Variants in MGAM2 observed in about 807,000 individuals in gnomAD.
MGAM2 encodes the protein probable maltase-glucoamylase 2.
Under a neutral mutation model 96.1 loss-of-function variants are expected in MGAM2, and 98 were observed. The ratio of observed to expected loss-of-function variants is 1.02; its 90% confidence interval spans 0.87 to 1.21. The LOEUF is 1.21. MGAM2 is among the 50% of genes most tolerant of loss of function. The pLI, the probability that MGAM2 is intolerant of heterozygous loss-of-function variation, is 0.00. For synonymous variants in MGAM2, 749 were observed against 414.8 expected, an observed-to-expected ratio of 1.81 and a Z score of -9.79; for missense variants, 2,055 against 1,182.4, an observed-to-expected ratio of 1.74 and a Z score of -10.82.
chr7:142,218,308 T>C (rs2129107662), intron 46 of MGAM2, 53 bp from the exon 47 acceptor site: 1 of 554,972 alleles, frequency 1.8e-6, no homozygotes, highest in African/African-American at 1.9e-5. Flanking sequence ...ATATGGACCA[T>C]AGTCTATCAA....
chr7:142,111,998 CTGTGTGTGTGTGTGTGTG>C (rs57967255), intron 1 of MGAM2, among the ~76,000 whole-genome samples, 191 bp downstream of exon 1: 2,503 of 133,686 alleles, frequency 0.019, 77 homozygotes, highest in African/African-American at 0.066. Context: ...AGAGGAGAGA[CTGTGTGTGTGTGTGTGTG>C]TGTGTGTGTG....
intron 1 of MGAM2, among the ~76,000 whole-genome samples, chr7:142,115,700 C>A (rs997394685): frequency 2.0e-5 from 3 of 152,092 alleles, no homozygotes; most frequent in African/African-American, 7.2e-5. Flanking sequence ...ACAAAATTAG[C>A]AGGGCATGGT....
intron 1 of MGAM2, among the ~76,000 whole-genome samples, chr7:142,115,030 A>G (rs547074726): frequency 7.9e-5 from 12 of 152,200 alleles, no homozygotes. Flanking sequence ...AGCCTGGCCA[A>G]CGTGGTGAAA....
In MGAM2 at chr7:142,166,704, T is replaced by C. The variant is rs144867592; in HGVS notation, c.2808+451T>C. On this transcript the variant is annotated intron_variant, in intron 25 of 47. Transcript: ENST00000477922. ...CTGCCTGGAGGCTCCTGTCTCCCTA[T>C]CAAACTTCCTGGTGCTCTGTCACGG... Among the ~76,000 whole-genome samples the C allele has an allele frequency of 4.6e-5, 7 of 152,314 alleles. No individual in the cohort carries two copies. In the East Asian group the frequency reaches 1.4e-3, roughly 29 times the overall value.
chr7:142,115,502 G>A (rs1817357363), intron 1 of MGAM2, among the ~76,000 whole-genome samples: 1 of 152,220 alleles, frequency 6.6e-6, no homozygotes, highest in Non-Finnish European at 1.5e-5. Context: ...AGATTAAAAG[G>A]AAATGGAAAG....
intron 3 of MGAM2, among the ~76,000 whole-genome samples, chr7:142,127,405 T>C (rs972017001): frequency 6.6e-6 from 1 of 152,182 alleles, no homozygotes; most frequent in Admixed American, 6.5e-5. Context: ...ATTTTTAAAG[T>C]TTTTTTCATA....
intron 44 of MGAM2, 30 bp from the exon 45 acceptor site, chr7:142,199,850 A>G (rs1457401680): frequency 7.6e-6 from 5 of 657,786 alleles, no homozygotes; most frequent in Middle Eastern, 4.8e-4. Flanking sequence ...CAATCTAGAG[A>G]AAAATAACTC....
intron 37 of MGAM2, among the ~76,000 whole-genome samples, chr7:142,192,112 CCA>C (rs1284964879): frequency 6.6e-6 from 1 of 152,064 alleles, no homozygotes; most frequent in Non-Finnish European, 1.5e-5. Flanking sequence ...CCTTCTGTCC[CCA>C]GAGTTTACAA....
rs977292903 is a variant in MGAM2 at position 142,187,735 on chromosome 7, G to C, written c.4123-15G>C. 3 of 700,606 alleles carry C rather than the reference G, an allele frequency of 4.3e-6. No individual in the cohort carries two copies. The Admixed American group carries it at 6.0e-5, about 14-fold the overall frequency. 43.4% of individuals were successfully genotyped at this position (700,606 alleles called of 1,614,324 possible). On this transcript the variant is annotated splice_polypyrimidine_tract_variant and intron_variant, in intron 35 of 47. Coordinates refer to ENST00000477922, the MANE Select transcript of MGAM2 (RefSeq NM_001293626.2). ...CCCTGACATGACGAGATCTTTTTTT[G>C]TTAACTCATTTCAGGATATGAATGA...
chr7:142,131,037 T>TG lies in MGAM2; in HGVS notation c.277dup (p.Glu93GlyfsTer29). ...GCTTCTTCCCCTGGAACTGGGGCTATGAAGCCAGCAATGGCCATACAAATA... is the reference window on the plus strand; with the variant it reads ...GCTTCTTCCCCTGGAACTGGGGCTATGGAAGCCAGCAATGGCCATACAAATA... On this transcript the variant is annotated frameshift_variant, in exon 4 of 48. Transcript: ENST00000477922. LOFTEE classifies it high-confidence loss of function. 1.4e-6 allele frequency: 1 copy of TG among 702,562 alleles called. No homozygotes were observed. The highest frequency in any genetic ancestry group is 2.6e-6 in the Non-Finnish European group (1 of 385,008). 43.5% of individuals were successfully genotyped at this position (702,562 alleles called of 1,614,324 possible).
In MGAM2 at chr7:142,221,115, A is replaced by T. The variant is rs1005780909; in HGVS notation, c.6604A>T (p.Thr2202Ser). 5.7e-6 allele frequency: 4 copies of T among 702,402 alleles called. No homozygotes were observed. In the African/African-American group the frequency reaches 7.0e-5, roughly 12 times the overall value. The allele number at this position is 702,402 out of a possible 1,614,324, so 43.5% of individuals were successfully genotyped here. ...DTTSNSFSIMTTSFSESTNAM... is the reference protein window; with the variant it reads ...DTTSNSFSIMSTSFSESTNAM... ...TACTAGCAACAGTTTTTCCATTATG[A>T]CCACTTCTTTCTCTGAAAGTACTAA... The change falls in exon 48 of 48, where the codon ACC becomes TCC. Residue 2202 changes from threonine (T) to serine (S), a missense_variant. Physicochemically the swap from Thr to Ser is moderately conservative, Grantham distance 58. Transcript: ENST00000477922.
chr7:142,218,407 C>G lies in MGAM2; in HGVS notation c.5234C>G (p.Ser1745Trp), dbSNP rs1163220949. The G allele has an allele frequency of 2.8e-6, 2 of 702,170 alleles. No homozygotes were observed. Among genetic ancestry groups the G allele is most frequent in the Admixed American group, 4.0e-5 (2 of 49,906 alleles). The allele number at this position is 702,170 out of a possible 1,614,324, so 43.5% of individuals were successfully genotyped here. A position where few individuals can be genotyped will look rare whatever the true frequency, so the allele number is the denominator to read the frequency against. Reference protein sequence around the residue: ...QTIHNKYLSDSNPLKVGYIRI... With the variant: ...QTIHNKYLSDWNPLKVGYIRI... Reference sequence around the variant, plus strand: ...ATACACAATAAGTATTTGAGTGACTCGAATCCACTAAAAGTTGGGTATATT... The same window carrying G: ...ATACACAATAAGTATTTGAGTGACTGGAATCCACTAAAAGTTGGGTATATT... Residue 1745 changes from serine (S) to tryptophan (W), a missense_variant, in exon 47 of 48, where the codon TCG (serine) becomes TGG (tryptophan). Physicochemically the swap from Ser to Trp is radical, Grantham distance 177. Coordinates refer to ENST00000477922, the MANE Select transcript of MGAM2 (RefSeq NM_001293626.2).
chr7:142,200,820 A>G (rs1797199902), intron 45 of MGAM2, among the ~76,000 whole-genome samples: 1 of 152,148 alleles, frequency 6.6e-6, no homozygotes, highest in Non-Finnish European at 1.5e-5. Flanking sequence ...AAATACAAGC[A>G]CTTTTAATAT....
In MGAM2 at chr7:142,196,559, T is replaced by A. The variant is rs1049691500; in HGVS notation, c.4481-6T>A. The A allele has an allele frequency of 1.4e-6, 1 of 718,158 alleles. No individual in the cohort carries two copies. Among genetic ancestry groups the A allele is most frequent in the Non-Finnish European group, 2.6e-6 (1 of 391,388 alleles). The allele number at this position is 718,158 out of a possible 1,614,324, so 44.5% of individuals were successfully genotyped here. A position where few individuals can be genotyped will look rare whatever the true frequency, so the allele number is the denominator to read the frequency against. Reference sequence around the variant, plus strand: ...CCTCCAACACAGCTGTGTCTTCTCTTTGCAGGCATGATGGAGTTCAGTCTC... The same window carrying A: ...CCTCCAACACAGCTGTGTCTTCTCTATGCAGGCATGATGGAGTTCAGTCTC... On this transcript the variant is annotated splice_polypyrimidine_tract_variant and splice_region_variant and intron_variant, in intron 38 of 47. Transcript: ENST00000477922.
intron 1 of MGAM2, among the ~76,000 whole-genome samples, chr7:142,112,153 C>CCAGAAGGATGGATTTGGAT (rs1817195102): frequency 1.3e-5 from 2 of 151,856 alleles, no homozygotes; most frequent in Non-Finnish European, 2.9e-5. Flanking sequence ...TGGAAACTAT[C>CCAGAAGGATGGATTTGGAT]TCAAGATGGC....
In MGAM2 at chr7:142,167,332, A is replaced by T. The variant is rs148832741; in HGVS notation, c.2873A>T (p.Asp958Val). The T allele has an allele frequency of 7.1e-6, 5 of 702,876 alleles. No individual in the cohort carries two copies. The Admixed American group carries it at 8.0e-5, about 11-fold the overall frequency. 43.5% of individuals were successfully genotyped at this position (702,876 alleles called of 1,614,324 possible). ...ACCATCCCTAATTATGTTGCTAGTG[A>T]TATTCAGTACCTGAACACCAGCATC... ...YDTIPNYVASDIQYLNTSITA... is the reference protein window; with the variant it reads ...YDTIPNYVASVIQYLNTSITA... Residue 958 changes from aspartate to valine, a missense_variant, in exon 26 of 48, where the codon GAT becomes GTT. By Grantham distance (152) the Asp-to-Val change is radical (BLOSUM62 -3). Coordinates refer to ENST00000477922, the MANE Select transcript of MGAM2 (RefSeq NM_001293626.2).
intron 15 of MGAM2, among the ~76,000 whole-genome samples, chr7:142,151,123 T>C (rs1187206511): frequency 6.6e-6 from 1 of 152,200 alleles, no homozygotes; most frequent in Admixed American, 6.6e-5. Flanking sequence ...TGCTGGACTG[T>C]AAGCTTTTTG....
chr7:142,163,569 C>T (rs932296661), intron 23 of MGAM2, among the ~76,000 whole-genome samples: 87 of 152,310 alleles, frequency 5.7e-4, no homozygotes, highest in African/African-American at 1.9e-3. Context: ...CGTGAGCCAC[C>T]GTGCCTGGCC....
chr7:142,128,417 A>G (rs1340946954), intron 3 of MGAM2, among the ~76,000 whole-genome samples: 1 of 152,264 alleles, frequency 6.6e-6, no homozygotes, highest in Non-Finnish European at 1.5e-5. Flanking sequence ...ATAAGTAACA[A>G]GGAGTCAAAT....
Sources: gnomAD v4.1 joint callset for allele counts (sites outside exome capture counted in the v4.1 genomes callset) on GRCh38, gnomAD v4.1.1 for gene constraint, MANE v1.5 for transcripts, NCBI Gene and HGNC (gene_info 2026-07-23, HGNC 2026-07-21) for gene names.